The following RGS5 variants were observed in gnomAD, a reference collection of about 807,000 sequenced individuals.
RGS5 encodes regulator of G protein signaling 5.
A neutral mutation model predicts 18.9 loss-of-function variants in RGS5; 20 were observed. The observed-to-expected ratio is 1.06, with a 90% confidence interval of 0.74 to 1.54. RGS5 has a LOEUF of 1.54. Ranked by LOEUF, RGS5 falls within the 40% of genes most tolerant of loss-of-function variation. The pLI is 0.00. For missense variants in RGS5, 201 were observed against 211.8 expected (o/e 0.95, Z 0.32); for synonymous variants, 57 against 76.2 (o/e 0.75, Z 1.31).
intron 2 of RGS5, among the ~76,000 whole-genome samples, chr1:163,262,166 TTTTA>T (rs1409910033): frequency 4.8e-5 from 7 of 146,978 alleles, no homozygotes; most frequent in Admixed American, 2.7e-4. Context: ...TTTTTTTTTT[TTTTA>T]TTATACTCTA....
intron 2 of RGS5, among the ~76,000 whole-genome samples, chr1:163,286,229 G>A (rs954913873): frequency 2.6e-5 from 4 of 152,060 alleles, no homozygotes; most frequent in Non-Finnish European, 4.4e-5. Context: ...GTAATCTAGA[G>A]GTGATTTAAA....
chr1:163,268,488 A>AG (rs760804633), intron 2 of RGS5, among the ~76,000 whole-genome samples: 6 of 152,102 alleles, frequency 3.9e-5, no homozygotes, highest in Non-Finnish European at 8.8e-5. Context: ...TGTTCCACCG[A>AG]GGGCTAGCTA....
intron 2 of RGS5, among the ~76,000 whole-genome samples, chr1:163,236,001 C>T (rs1293893397): frequency 6.6e-6 from 1 of 152,100 alleles, no homozygotes; most frequent in East Asian, 1.9e-4. Flanking sequence ...TATAGTCTTG[C>T]CCTTGATTTG....
chr1:163,264,517 G>T (rs1414841811), intron 2 of RGS5, among the ~76,000 whole-genome samples: 2 of 152,080 alleles, frequency 1.3e-5, no homozygotes. Flanking sequence ...GCATTCTAGT[G>T]TGACTCAATT....
upstream of RGS5, among the ~76,000 whole-genome samples, chr1:163,221,423 T>C (rs1256812495): frequency 6.6e-6 from 1 of 151,970 alleles, no homozygotes; most frequent in Non-Finnish European, 1.5e-5. Flanking sequence ...CTTGAACCAG[T>C]AGGCAGAGGC....
intron 1 of RGS5, among the ~76,000 whole-genome samples, chr1:163,176,827 A>G (rs555946655): frequency 9.3e-4 from 141 of 152,346 alleles, no homozygotes; most frequent in African/African-American, 3.3e-3. Flanking sequence ...AGACAGATAC[A>G]AAACAAGAAA....
upstream of RGS5, among the ~76,000 whole-genome samples, chr1:163,204,178 G>C (rs1659881823): frequency 6.6e-6 from 1 of 152,064 alleles, no homozygotes; most frequent in African/African-American, 2.4e-5. Flanking sequence ...AAGTGCATCG[G>C]ATGTAAAAAG....
Position 163,296,789 on chromosome 1 carries a change from C to T in RGS5, c.-281+9444G>A, listed in dbSNP as rs150408575. 1.5e-3 allele frequency among the ~76,000 whole-genome samples: 232 copies of T among 152,232 alleles called. 1 individual carries two copies. The highest frequency in any genetic ancestry group is 5.1e-3 in the African/African-American group (211 of 41,544). On this transcript the variant is annotated intron_variant, in intron 2 of 5. Coordinates refer to the RGS5 transcript ENST00000618415. ...ATATGGCAGTGCTCAAGGTACACTA[C>T]CCCAAAATATGACTGTAGAAGAACA...
At chr1:163,282,439 T>C (rs1337029711) in intron 2 of RGS5, among the ~76,000 whole-genome samples, 1 of 152,028 alleles carries the variant, frequency 6.6e-6, no homozygotes, top group Non-Finnish European at 1.5e-5. Context: ...CCAGATGTGG[T>C]GGTTCATGAC....
intron 1 of RGS5, among the ~76,000 whole-genome samples, chr1:163,216,636 A>C (rs1660223204): frequency 6.6e-6 from 1 of 152,140 alleles, no homozygotes; most frequent in African/African-American, 2.4e-5. Context: ...GCAATCACAA[A>C]AACTGTGCTG....
At chr1:163,153,407 C>A (rs1468942906) in intron 3 of RGS5, among the ~76,000 whole-genome samples, 1 of 152,008 alleles carries the variant, frequency 6.6e-6, no homozygotes, top group African/African-American at 2.4e-5. Flanking sequence ...TCATTTTAGG[C>A]TAAGGGAAGG....
upstream of RGS5, among the ~76,000 whole-genome samples, chr1:163,220,323 C>T (rs111383410): frequency 1.3e-5 from 2 of 151,630 alleles, no homozygotes; most frequent in Non-Finnish European, 2.9e-5. Flanking sequence ...AAAATAATCA[C>T]GTTTTTCTCT....
At chr1:163,198,101 T>G (rs543781226) in intron 1 of RGS5, among the ~76,000 whole-genome samples, 65 of 151,064 alleles carry the variant, frequency 4.3e-4, no homozygotes, top group African/African-American at 1.5e-3. Context: ...CCCACATAAA[T>G]CAGAGAACAT....
At chr1:163,307,481 A>G in intron 1 of RGS5, among the ~76,000 whole-genome samples, 1 of 152,158 alleles carries the variant, frequency 6.6e-6, no homozygotes, top group East Asian at 1.9e-4. Flanking sequence ...AGGAATCAAT[A>G]CCCAAAAGAT....
intron 2 of RGS5, among the ~76,000 whole-genome samples, chr1:163,163,944 A>C (rs1486999999): frequency 1.3e-5 from 2 of 152,194 alleles, no homozygotes; most frequent in Non-Finnish European, 2.9e-5. Context: ...AGGTATACCA[A>C]ACTTAAGCAT....
chr1:163,226,554 T>C (rs1242902743), intron 2 of RGS5, among the ~76,000 whole-genome samples: 4 of 152,176 alleles, frequency 2.6e-5, no homozygotes, highest in Non-Finnish European at 5.9e-5. Flanking sequence ...AACAAACCTG[T>C]TCCATAAATC....
At chr1:163,287,520 C>T (rs1649175907) in intron 2 of RGS5, among the ~76,000 whole-genome samples, 1 of 152,330 alleles carries the variant, frequency 6.6e-6, no homozygotes, top group South Asian at 2.1e-4. Flanking sequence ...CCACTCTCAG[C>T]CTGTGGAATG....
chr1:163,163,696 A>C (rs904129065), intron 2 of RGS5, among the ~76,000 whole-genome samples: 1 of 152,178 alleles, frequency 6.6e-6, no homozygotes, highest in East Asian at 1.9e-4. Flanking sequence ...CTTCTTCACT[A>C]TAGTAGGTTC....
chr1:163,286,610 C>T (rs1299843102), intron 2 of RGS5, among the ~76,000 whole-genome samples: 3 of 151,860 alleles, frequency 2.0e-5, no homozygotes, highest in East Asian at 3.9e-4. Flanking sequence ...ATCAAGCATA[C>T]TCTTTTTATC....
Sources: allele counts gnomAD v4.1 joint callset (sites outside exome capture counted in the v4.1 genomes callset), GRCh38; gene constraint gnomAD v4.1.1; transcripts MANE v1.5; gene names NCBI Gene and HGNC (gene_info 2026-07-23, HGNC 2026-07-21).